DNAL1: variants seen among roughly 807,000 people sequenced by gnomAD.
DNAL1 encodes the protein dynein axonemal light chain 1.
A neutral mutation model predicts 29.4 loss-of-function variants in DNAL1; 17 were observed. That is an observed-to-expected ratio of 0.58 (90% CI 0.40 to 0.87). The LOEUF (loss-of-function observed/expected upper bound fraction) is 0.87. Ranked by LOEUF, DNAL1 falls within the 40% of genes least tolerant of loss-of-function variation. DNAL1 has a pLI of 0.00. For missense variants in DNAL1, 188 were observed against 214.1 expected, an observed-to-expected ratio of 0.88 and a Z score of 0.76; for synonymous variants, 78 against 76.3, an observed-to-expected ratio of 1.02 and a Z score of -0.12.
intron 2 of DNAL1, among the ~76,000 whole-genome samples, chr14:73,657,641 T>C (rs1369079554): frequency 6.6e-6 from 1 of 152,254 alleles, no homozygotes; most frequent in Admixed American, 6.5e-5. Context: ...TTGCCCAGGC[T>C]GGAGTACAAT....
chr14:73,681,605 CAAAAAA>C (rs71112792), intron 5 of DNAL1, among the ~76,000 whole-genome samples: 37 of 52,820 alleles, frequency 7.0e-4, no homozygotes, highest in Admixed American at 1.7e-3. Flanking sequence ...CCATCTCTAC[CAAAAAA>C]AAAAAAAAAA....
rs192129690 is a variant in DNAL1 at position 73,686,631 on chromosome 14, G to C, written c.265-628G>C. Among the ~76,000 whole-genome samples the C allele has an allele frequency of 8.5e-4, 129 of 152,206 alleles. 1 individual carries two copies. Among genetic ancestry groups the C allele is most frequent in the East Asian group, 5.8e-4 (3 of 5,182 alleles). On this transcript the variant is annotated intron_variant, in intron 5 of 7. Coordinates refer to ENST00000553645, the MANE Select transcript of DNAL1 (RefSeq NM_031427.4). ...TGAGGTGAGAGGATTGCTTGAGCCC[G>C]GGGGAGGTTGAGGCTGCAGTTAGCT...
intron 7 of DNAL1, among the ~76,000 whole-genome samples, chr14:73,690,666 A>G (rs1051485467): frequency 1.1e-4 from 16 of 151,886 alleles, no homozygotes; most frequent in Admixed American, 3.3e-4. Context: ...AAAAAAAAAA[A>G]GAGAAGGATC....
At chr14:73,681,620 AAAAAAAAAAAAAAAT>A (rs1188371920) in intron 5 of DNAL1, among the ~76,000 whole-genome samples, 193 of 67,208 alleles carry the variant, frequency 2.9e-3, no homozygotes, top group African/African-American at 0.011. Flanking sequence ...AAAAAAAAAA[AAAAAAAAAAAAAAAT>A]ATATATATAT....
At chr14:73,682,337 A>ATTTTTTTTTTTTTTTTTTT (rs57403758) in intron 5 of DNAL1, among the ~76,000 whole-genome samples, 1 of 93,416 alleles carries the variant, frequency 1.1e-5, no homozygotes, top group Non-Finnish European at 2.0e-5. Flanking sequence ...TGCCTGGCTA[A>ATTTTTTTTTTTTTTTTTTT]TTTTTTTTTT....
At chr14:73,682,337 A>ATTTTTTT (rs57403758) in intron 5 of DNAL1, among the ~76,000 whole-genome samples, 113 of 93,380 alleles carry the variant, frequency 1.2e-3, no homozygotes, top group African/African-American at 3.7e-3. Flanking sequence ...TGCCTGGCTA[A>ATTTTTTT]TTTTTTTTTT....
intron 4 of DNAL1, among the ~76,000 whole-genome samples, chr14:73,670,242 C>G (rs934989282): frequency 2.0e-5 from 3 of 152,160 alleles, no homozygotes; most frequent in African/African-American, 7.2e-5. Flanking sequence ...ACAATGTCAT[C>G]CAACAGAACT....
At chr14:73,650,475 A>G (rs1040076392) in intron 1 of DNAL1, among the ~76,000 whole-genome samples, 7 of 152,068 alleles carry the variant, frequency 4.6e-5, no homozygotes, top group Admixed American at 4.6e-4. Flanking sequence ...GAAGGCAGGA[A>G]TCTCTGTTTT....
intron 4 of DNAL1, among the ~76,000 whole-genome samples, chr14:73,666,937 G>A (rs1357080645): frequency 1.3e-5 from 2 of 150,816 alleles, no homozygotes; most frequent in Non-Finnish European, 2.9e-5. Context: ...AAGTCCCCAC[G>A]ACTCAGTTCT....
At chr14:73,647,481 TCTTA>T (rs1218348149) in intron 1 of DNAL1, among the ~76,000 whole-genome samples, 3 of 152,220 alleles carry the variant, frequency 2.0e-5, no homozygotes, top group Admixed American at 2.0e-4. Context: ...CAGCATCTTT[TCTTA>T]CTTAATGATA....
intron 1 of DNAL1, among the ~76,000 whole-genome samples, chr14:73,649,950 T>C (rs917050226): frequency 3.3e-5 from 5 of 152,134 alleles, no homozygotes; most frequent in Admixed American, 2.6e-4. Flanking sequence ...ACAATGTAAA[T>C]ATTATTTAAA....
chr14:73,650,647 ATTTT>A (rs1031489957), intron 1 of DNAL1, among the ~76,000 whole-genome samples: 1 of 151,574 alleles, frequency 6.6e-6, no homozygotes, highest in Admixed American at 6.6e-5. Context: ...TTTATTTTTT[ATTTT>A]ATTTTTGGAG....
intron 5 of DNAL1, among the ~76,000 whole-genome samples, chr14:73,680,613 CATAT>C (rs1305515483): frequency 6.6e-6 from 1 of 152,042 alleles, no homozygotes; most frequent in Non-Finnish European, 1.5e-5. Context: ...AGGTGATTAG[CATAT>C]CAATCACTCA....
intron 1 of DNAL1, among the ~76,000 whole-genome samples, chr14:73,645,872 G>T (rs779398525): frequency 1.3e-5 from 2 of 152,176 alleles, no homozygotes; most frequent in Non-Finnish European, 2.9e-5. Context: ...GAAAAGGATT[G>T]CAGACCCAGC....
intron 7 of DNAL1, among the ~76,000 whole-genome samples, chr14:73,694,684 A>G (rs1333300430): frequency 2.0e-5 from 3 of 151,770 alleles, no homozygotes; most frequent in Non-Finnish European, 2.9e-5. Context: ...TATGCTTAAC[A>G]TAGAAAACTT....
At chr14:73,671,689 G>T in intron 5 of DNAL1, 92 bp downstream of exon 5, 1 of 1,261,170 alleles carries the variant, frequency 7.9e-7, no homozygotes, top group Non-Finnish European at 1.0e-6. Context: ...GAATTACTAG[G>T]TCAAAAGGTA....
intron 5 of DNAL1, among the ~76,000 whole-genome samples, chr14:73,680,911 A>G (rs1349530794): frequency 6.6e-6 from 1 of 152,238 alleles, no homozygotes; most frequent in South Asian, 2.1e-4. Context: ...AAGTATTTGT[A>G]TATCTAAACA....
In DNAL1 at chr14:73,701,803, G is replaced by C. The variant is rs542541688; in HGVS notation, c.*5861G>C. ...ACATTTTAACATCTATGAATACCTT[G>C]GTAATAATCTTTTATACACAGGAGT... On this transcript the variant is annotated 3_prime_UTR_variant, in exon 8 of 8. Transcript: ENST00000553645. The C allele has an allele frequency of 5.9e-4, 89 of 152,070 alleles. No homozygotes were observed. The highest frequency in any genetic ancestry group is 2.1e-3 in the African/African-American group (86 of 41,468). 9.4% of individuals were successfully genotyped at this position (152,070 alleles called of 1,614,324 possible).
chr14:73,665,702 A>T (rs376056518), intron 4 of DNAL1, among the ~76,000 whole-genome samples: 12 of 152,096 alleles, frequency 7.9e-5, no homozygotes, highest in African/African-American at 2.9e-4. Flanking sequence ...GAGGCAGGAG[A>T]ATAGCTGGAA....
Sources: gnomAD v4.1 joint callset for allele counts (sites outside exome capture counted in the v4.1 genomes callset) on GRCh38, gnomAD v4.1.1 for gene constraint, MANE v1.5 for transcripts, NCBI Gene and HGNC (gene_info 2026-07-23, HGNC 2026-07-21) for gene names.